Variants in NAMPT observed in about 807,000 individuals in gnomAD.
The protein encoded by NAMPT is nicotinamide phosphoribosyltransferase.
Under a neutral mutation model 58.7 loss-of-function variants are expected in NAMPT, and 7 were observed. The observed-to-expected ratio is 0.12, with a 90% CI of 0.07 to 0.22. The LOEUF is 0.22. Ranked by LOEUF, NAMPT falls within the 10% of genes least tolerant of loss-of-function variation. The pLI is 1.00. For synonymous variants in NAMPT, 145 were observed against 198.1 expected (o/e 0.73, Z 2.25); for missense variants, 271 against 567.9 (o/e 0.48, Z 5.31).
At chr7:106,282,993 G>A (rs1792795342) in intron 1 of NAMPT, among the ~76,000 whole-genome samples, 1 of 152,060 alleles carries the variant, frequency 6.6e-6, no homozygotes, top group African/African-American at 2.4e-5. Context: ...AAAAACATAA[G>A]GGAAATGAAA....
At chr7:106,277,571 T>C (rs181865598) in intron 1 of NAMPT, among the ~76,000 whole-genome samples, 40 of 152,364 alleles carry the variant, frequency 2.6e-4, no homozygotes, top group Admixed American at 2.2e-3. Context: ...TATCTCAATG[T>C]GGTATGTTCC....
rs530797349 is a variant in NAMPT, at chr7:106,250,117, T to C, written c.*966A>G. 1 of 152,574 alleles carries C rather than the reference T, an allele frequency of 6.6e-6. No homozygotes were observed. Among genetic ancestry groups the C allele is most frequent in the South Asian group, 2.1e-4 (1 of 4,822 alleles). The allele number at this position is 152,574 out of a possible 1,614,324, so 9.5% of individuals were successfully genotyped here. ...ACAGAATTGAAACATTTAAGTACAC[T>C]CACTACCCACTCCAGTAATTCATTT... On this transcript the variant is annotated 3_prime_UTR_variant, in exon 11 of 11. Transcript: ENST00000222553.
At chr7:106,252,138 C>G (rs1309820394) in intron 10 of NAMPT, among the ~76,000 whole-genome samples, 3 of 152,062 alleles carry the variant, frequency 2.0e-5, no homozygotes, top group Non-Finnish European at 4.4e-5. Context: ...TTCACATACT[C>G]TTAAATCAGT....
At chr7:106,255,383 C>T (rs1792182390) in intron 8 of NAMPT, among the ~76,000 whole-genome samples, 1 of 152,216 alleles carries the variant, frequency 6.6e-6, no homozygotes, top group Admixed American at 6.5e-5. Context: ...GAAAGGCTGA[C>T]TCTGTTTTAA....
At position 106,264,166 on chromosome 7, in the gene NAMPT, G is replaced by GTTATATTTTC. The variant is rs1403123789; in HGVS notation, c.744-559_744-550dup. On this transcript the variant is annotated intron_variant, in intron 6 of 10. Coordinates refer to ENST00000222553, the MANE Select transcript of NAMPT (RefSeq NM_005746.3). ...CATACATACATATAGTCAACTACCT[G>GTTATATTTTC]TTATATTTTCAAGTGGCTAGTAATA... Among the ~76,000 whole-genome samples the GTTATATTTTC allele has an allele frequency of 2.6e-5, 4 of 152,018 alleles. No individual in the cohort carries two copies. The East Asian group carries it at 7.7e-4, about 29-fold the overall frequency.
Position 106,252,951 on chromosome 7 carries a change from C to T in NAMPT, c.1365+66G>A, listed in dbSNP as rs966059205. The T allele has an allele frequency of 2.6e-6, 4 of 1,545,248 alleles. No homozygotes were observed. The African/African-American group carries it at 5.6e-5, about 21-fold the overall frequency. ...ACAAAAACAATAACATAAAAACCTCCTTTCTTATTAATTTGGTGAGCCAAC... is the reference window on the plus strand; with the variant it reads ...ACAAAAACAATAACATAAAAACCTCTTTTCTTATTAATTTGGTGAGCCAAC... On this transcript the variant is annotated intron_variant, in intron 10 of 10. Transcript: ENST00000222553.
In NAMPT at chr7:106,267,882, T is replaced by G. The variant is rs1187900152; in HGVS notation, c.743+582A>C. ...AAAAAAAAAAAAAAAAAAAACAACC[T>G]GATTTACTTTTAATAAAGTTAGCTC... On this transcript the variant is annotated intron_variant, in intron 6 of 10. Transcript: ENST00000222553. 5.7e-5 allele frequency among the ~76,000 whole-genome samples: 4 copies of G among 70,224 alleles called. No homozygotes were observed. In the East Asian group the frequency reaches 1.5e-3, roughly 26 times the overall value. 46.1% of individuals were successfully genotyped at this position (70,224 alleles called of 152,430 possible). A position where few individuals can be genotyped will look rare whatever the true frequency, so the allele number is the denominator to read the frequency against.
At chr7:106,282,886 TA>T (rs1465138905) in intron 1 of NAMPT, among the ~76,000 whole-genome samples, 3 of 152,242 alleles carry the variant, frequency 2.0e-5, no homozygotes, top group Admixed American at 1.3e-4. Flanking sequence ...GTGTAATTTC[TA>T]AATAAGTTTC....
chr7:106,267,932 G>C lies in NAMPT; in HGVS notation c.743+532C>G, dbSNP rs567256303. ...CTAGGACCAGAGCAGCTGCAGTTTA[G>C]ATTGTAATTTCTTTCTTGGGTAACT... On this transcript the variant is annotated intron_variant, in intron 6 of 10. Coordinates refer to ENST00000222553, the MANE Select transcript of NAMPT (RefSeq NM_005746.3). 5.6e-5 allele frequency among the ~76,000 whole-genome samples: 8 copies of C among 141,640 alleles called. No individual in the cohort carries two copies. In the East Asian group the frequency reaches 6.7e-4, roughly 12 times the overall value. 92.9% of individuals were successfully genotyped at this position (141,640 alleles called of 152,430 possible).
rs1562818928 is a variant in NAMPT at position 106,277,227 on chromosome 7, A to G, written c.58-48T>C. ...GTTAGAAAACACCGATGAGTAGACT[A>G]TAAATCACAACAGAAAAGGCTTGAA... On this transcript the variant is annotated intron_variant, in intron 1 of 10. Coordinates refer to ENST00000222553, the MANE Select transcript of NAMPT (RefSeq NM_005746.3). 2.1e-6 allele frequency: 3 copies of G among 1,453,284 alleles called. No homozygotes were observed. In the South Asian group the frequency reaches 3.6e-5, roughly 18 times the overall value. The allele number at this position is 1,453,284 out of a possible 1,614,324, so 90.0% of individuals were successfully genotyped here.
At chr7:106,270,524 A>AGAGAT (rs1380993003) in intron 4 of NAMPT, among the ~76,000 whole-genome samples, 1 of 152,190 alleles carries the variant, frequency 6.6e-6, no homozygotes, top group African/African-American at 2.4e-5. Flanking sequence ...CTTCTCATCA[A>AGAGAT]GAGATGGAAT....
chr7:106,276,321 G>A (rs896591580), intron 2 of NAMPT: 5 of 152,230 alleles, frequency 3.3e-5, no homozygotes, highest in African/African-American at 9.6e-5. Flanking sequence ...ACAGAAATTG[G>A]GGGATTTTTG....
chr7:106,252,062 A>AG (rs1394217968), intron 10 of NAMPT, among the ~76,000 whole-genome samples: 1 of 152,176 alleles, frequency 6.6e-6, no homozygotes, highest in African/African-American at 2.4e-5. Context: ...AGGGAATACT[A>AG]GTTCCTACTC....
At position 106,249,245 on chromosome 7, in the gene NAMPT, ATTG is replaced by A. The variant is rs1792069167; in HGVS notation, c.*1835_*1837del. 2 of 152,502 alleles carry A rather than the reference ATTG, an allele frequency of 1.3e-5. No homozygotes were observed. Among genetic ancestry groups the A allele is most frequent in the South Asian group, 4.1e-4 (2 of 4,832 alleles). 9.4% of individuals were successfully genotyped at this position (152,502 alleles called of 1,614,324 possible). A position where few individuals can be genotyped will look rare whatever the true frequency, so the allele number is the denominator to read the frequency against. On this transcript the variant is annotated 3_prime_UTR_variant, in exon 11 of 11. Transcript: ENST00000222553. The stretch of plus-strand genomic sequence containing the variant: ...GACTTACTAAAAGTGAATAATGCTT[ATTG>A]TTCTCACTACATGTTTAAAGAACCA...
In NAMPT at chr7:106,284,809, C is replaced by T; in HGVS notation, c.57+19G>A. The T allele has an allele frequency of 4.0e-6, 6 of 1,483,962 alleles. No individual in the cohort carries two copies. The highest frequency in any genetic ancestry group is 5.4e-6 in the Non-Finnish European group (6 of 1,106,018). 91.9% of individuals were successfully genotyped at this position (1,483,962 alleles called of 1,614,324 possible). A position where few individuals can be genotyped will look rare whatever the true frequency, so the allele number is the denominator to read the frequency against. ...AGCGCGCCCCGCTCCTCCTCATCTG[C>T]CCGGGCCCCGAGCTTTACCTTGTAG... On this transcript the variant is annotated intron_variant, in intron 1 of 10. Transcript: ENST00000222553.
Position 106,282,159 on chromosome 7 carries a change from CA to C in NAMPT, c.57+2668del, listed in dbSNP as rs1185011250. 1.4e-4 allele frequency among the ~76,000 whole-genome samples: 22 copies of C among 151,980 alleles called. No homozygotes were observed. In the East Asian group the frequency reaches 4.3e-3, roughly 29 times the overall value. On this transcript the variant is annotated intron_variant, in intron 1 of 10. Coordinates refer to ENST00000222553, the MANE Select transcript of NAMPT (RefSeq NM_005746.3). ...CAATACCGAAGCATCCGCTCAGAAG[CA>C]GTGAAAGACAAGCAACAAAAATTTG...
At position 106,263,401 on chromosome 7, in the gene NAMPT, A is replaced by G; in HGVS notation, c.960T>C (p.Thr320=). The G allele has an allele frequency of 6.3e-7, 1 of 1,595,370 alleles. No individual in the cohort carries two copies. Residue 320 remains threonine (T), a synonymous_variant, in exon 7 of 11, where the codon ACT becomes ACC. Transcript: ENST00000222553. ...IRPDSGNPLD[T]VLKVLEILGK... ...ACATATGAAAATTTACCTTTAACACAGTGTCAAGAGGGTTTCCAGAATCAG... is the reference window on the plus strand; with the variant it reads ...ACATATGAAAATTTACCTTTAACACGGTGTCAAGAGGGTTTCCAGAATCAG...
In NAMPT at chr7:106,250,063, A is replaced by AATT; in HGVS notation, c.*1017_*1019dup. ...GTCCATACAATTTAATATCCAATTT[A>AATT]ATTTTTTAAAAACTTAATAAAAAAT... On this transcript the variant is annotated 3_prime_UTR_variant, in exon 11 of 11. Coordinates refer to ENST00000222553, the MANE Select transcript of NAMPT (RefSeq NM_005746.3). 6.6e-6 allele frequency: 1 copy of AATT among 152,450 alleles called. No homozygotes were observed. Among genetic ancestry groups the AATT allele is most frequent in the South Asian group, 2.1e-4 (1 of 4,830 alleles). 9.4% of individuals were successfully genotyped at this position (152,450 alleles called of 1,614,324 possible).
At chr7:106,276,191 C>G (rs2058539) in intron 2 of NAMPT, 6 of 152,116 alleles carry the variant, frequency 3.9e-5, no homozygotes, top group Admixed American at 3.9e-4. Flanking sequence ...CTAAAATTCA[C>G]CTTACTGTTT....
Sources: allele counts gnomAD v4.1 joint callset (sites outside exome capture counted in the v4.1 genomes callset), GRCh38; gene constraint gnomAD v4.1.1; transcripts MANE v1.5; gene names NCBI Gene and HGNC (gene_info 2026-07-23, HGNC 2026-07-21).